BTBD9: variants seen among roughly 807,000 people sequenced by gnomAD.
BTBD9 encodes the protein BTB domain containing 9, also known as BTB/POZ domain-containing protein 9.
In BTBD9, 49 loss-of-function variants were observed where a neutral mutation model predicts 64.3. The ratio of observed to expected loss-of-function variants is 0.76; its 90% CI spans 0.61 to 0.97. The LOEUF (loss-of-function observed/expected upper bound fraction) is 0.97. Ranked by LOEUF, BTBD9 falls within the 50% of genes least tolerant of loss-of-function variation. The pLI is 0.00. For missense variants in BTBD9, 598 were observed against 762.1 expected (o/e 0.78, Z 2.53); for synonymous variants, 260 against 274.7 (o/e 0.95, Z 0.53).
Position 38,612,621 on chromosome 6 carries a change from G to A in BTBD9, c.-27-14500C>T, listed in dbSNP as rs187877835. On this transcript the variant is annotated intron_variant, in intron 1 of 10. Coordinates refer to ENST00000481247, the MANE Select transcript of BTBD9 (RefSeq NM_001099272.2). ...TTATTCCCAAGATGACTTAAGGAAT[G>A]GGGTATTATGGAAATCCATGATGAG... Among the ~76,000 whole-genome samples the A allele has an allele frequency of 2.5e-3, 378 of 152,284 alleles. 2 individuals carry two copies. Among genetic ancestry groups the A allele is most frequent in the African/African-American group, 8.8e-3 (366 of 41,536 alleles).
intron 6 of BTBD9, among the ~76,000 whole-genome samples, chr6:38,496,946 C>T (rs975630923): frequency 1.1e-4 from 16 of 152,160 alleles, no homozygotes; most frequent in African/African-American, 3.9e-4. Flanking sequence ...CAGGGCCTAG[C>T]CACATGCTCT....
chr6:38,339,006 T>C (rs893799505), intron 7 of BTBD9, among the ~76,000 whole-genome samples: 16 of 152,194 alleles, frequency 1.1e-4, no homozygotes, highest in Non-Finnish European at 2.2e-4. Context: ...TATCATACAA[T>C]ACCAGGGAGA....
intron 9 of BTBD9, among the ~76,000 whole-genome samples, chr6:38,196,225 G>A (rs114668773): frequency 1.2e-3 from 181 of 152,268 alleles, no homozygotes; most frequent in Non-Finnish European, 2.1e-3. Context: ...AACAGCTCTA[G>A]GACCTTAAGC....
chr6:38,263,853 G>A (rs760387873), intron 8 of BTBD9, among the ~76,000 whole-genome samples: 13 of 152,280 alleles, frequency 8.5e-5, no homozygotes, highest in South Asian at 8.3e-4. Context: ...CTTGGTTTCT[G>A]TTACTTGGAA....
At chr6:38,582,164 T>A (rs1000930493) in intron 4 of BTBD9, among the ~76,000 whole-genome samples, 1 of 152,188 alleles carries the variant, frequency 6.6e-6, no homozygotes, top group African/African-American at 2.4e-5. Context: ...AGCAAAAGAC[T>A]GTAGCAACCC....
intron 6 of BTBD9, among the ~76,000 whole-genome samples, chr6:38,522,863 A>G (rs1235355981): frequency 6.6e-6 from 1 of 152,056 alleles, no homozygotes; most frequent in Non-Finnish European, 1.5e-5. Flanking sequence ...GGGAGACTGC[A>G]TACTAGGCAG....
chr6:38,343,278 C>T (rs76389926), intron 7 of BTBD9, among the ~76,000 whole-genome samples: 96 of 152,242 alleles, frequency 6.3e-4, no homozygotes, highest in African/African-American at 2.1e-3. Context: ...ACAACAGCAC[C>T]CCTCATTACA....
At chr6:38,431,971 G>T (rs1768463087) in intron 6 of BTBD9, among the ~76,000 whole-genome samples, 1 of 151,882 alleles carries the variant, frequency 6.6e-6, no homozygotes, top group South Asian at 2.1e-4. Flanking sequence ...TGGTATGGTG[G>T]TTTTGGGAGG....
chr6:38,252,555 ATTAT>A (rs1764439154), intron 9 of BTBD9, among the ~76,000 whole-genome samples: 3 of 152,328 alleles, frequency 2.0e-5, no homozygotes, highest in South Asian at 4.1e-4. Flanking sequence ...CTTCTAATGT[ATTAT>A]TTATTTATTA....
intron 9 of BTBD9, among the ~76,000 whole-genome samples, chr6:38,249,633 A>G (rs1178908226): frequency 5.3e-5 from 8 of 152,106 alleles, no homozygotes; most frequent in Admixed American, 5.2e-4. Context: ...TGGGAAACAC[A>G]GCAAGCCCCC....
At position 38,174,362 on chromosome 6, in the gene BTBD9, C is replaced by G. The variant is rs192380858; in HGVS notation, c.*623G>C. On this transcript the variant is annotated 3_prime_UTR_variant, in exon 11 of 11. Coordinates refer to ENST00000481247, the MANE Select transcript of BTBD9 (RefSeq NM_001099272.2). ...CCGTGTCTCATTTAGGAGACATGCA[C>G]GATGGGTCTCTGTCCCCGCAAGCTG... is the stretch of plus-strand genomic sequence containing the variant. 1 of 152,238 alleles carries G rather than the reference C, an allele frequency of 6.6e-6. No homozygotes were observed. The allele number at this position is 152,238 out of a possible 1,614,324, so 9.4% of individuals were successfully genotyped here.
chr6:38,580,220 G>C lies in BTBD9; in HGVS notation c.1032C>G (p.Ser344Arg). Residue 344 changes from serine (S) to arginine (R), a missense_variant and splice_region_variant, in exon 5 of 11, where the codon AGC (serine) becomes AGG (arginine). By Grantham distance (110) the Ser-to-Arg change is moderately radical (BLOSUM62 -1). Coordinates refer to ENST00000481247, the MANE Select transcript of BTBD9 (RefSeq NM_001099272.2). Reference sequence around the variant, plus strand: ...TCTAAGTCATGCTAATCACTTACCGGCTATCTCGGTCCCACAAGAGTATCC... The same window carrying C: ...TCTAAGTCATGCTAATCACTTACCGCCTATCTCGGTCCCACAAGAGTATCC... ...HIRILLWDRD[S>R]RSYSYFIEVS... 3 of 1,612,826 alleles carry C rather than the reference G, an allele frequency of 1.9e-6. No individual in the cohort carries two copies. Among genetic ancestry groups the C allele is most frequent in the Non-Finnish European group, 2.5e-6 (3 of 1,178,896 alleles).
At chr6:38,316,879 T>C (rs931693569) in intron 7 of BTBD9, among the ~76,000 whole-genome samples, 18 of 152,208 alleles carry the variant, frequency 1.2e-4, no homozygotes, top group African/African-American at 3.6e-4. Flanking sequence ...ACAGGTCTAG[T>C]GTTGATGAAA....
At chr6:38,307,294 T>C (rs1028555226) in intron 7 of BTBD9, among the ~76,000 whole-genome samples, 7 of 152,190 alleles carry the variant, frequency 4.6e-5, no homozygotes, top group South Asian at 2.1e-4. Context: ...TTGGAAACTA[T>C]CAAAAAGCTG....
At chr6:38,428,903 GT>G (rs1562173021) in intron 6 of BTBD9, among the ~76,000 whole-genome samples, 1 of 151,156 alleles carries the variant, frequency 6.6e-6, no homozygotes, top group Non-Finnish European at 1.5e-5. Context: ...TAGAGACGGG[GT>G]TTCACCGTGT....
rs9380762 is a variant in BTBD9 at position 38,622,343 on chromosome 6, C to G, written c.-28+17457G>C. ...TTACAAATTGGATAGAAGCCTTCCC[C>G]TGCAAGACAGAGAAGGCTCAGGAAG... On this transcript the variant is annotated intron_variant, in intron 1 of 10. Transcript: ENST00000481247. Among the ~76,000 whole-genome samples the G allele has an allele frequency of 1.8e-3, 272 of 152,264 alleles. 2 individuals carry two copies. The highest frequency in any genetic ancestry group is 6.4e-3 in the African/African-American group (265 of 41,548).
chr6:38,594,100 T>C lies in BTBD9; in HGVS notation c.413A>G (p.Asn138Ser). Residue 138 changes from asparagine to serine, a missense_variant, in exon 3 of 11, where the codon AAC (asparagine) becomes AGC (serine). By Grantham distance (46) the Asn-to-Ser change is conservative. Transcript: ENST00000481247. ...AAAAGTCATGCAGACATTCTGAATG[T>C]TAAGTATGGTGCAGAGATACTCAGA... ...STSEYLCTIL[N>S]IQNVCMTFDV... 6.2e-7 allele frequency: 1 copy of C among 1,614,164 alleles called. No homozygotes were observed. The highest frequency in any genetic ancestry group is 1.1e-5 in the South Asian group (1 of 91,082).
chr6:38,264,175 G>A (rs1250277819), intron 8 of BTBD9, among the ~76,000 whole-genome samples: 1 of 152,168 alleles, frequency 6.6e-6, no homozygotes, highest in African/African-American at 2.4e-5. Context: ...TTGCAAAGAT[G>A]GAACAATCAG....
At chr6:38,449,178 G>C (rs1769409898) in intron 6 of BTBD9, among the ~76,000 whole-genome samples, 1 of 152,130 alleles carries the variant, frequency 6.6e-6, no homozygotes, top group African/African-American at 2.4e-5. Context: ...TTTCAAGGGG[G>C]AAGAGCTAAA....
Sources: gnomAD v4.1 joint callset for allele counts (sites outside exome capture counted in the v4.1 genomes callset) on GRCh38, gnomAD v4.1.1 for gene constraint, MANE v1.5 for transcripts, NCBI Gene and HGNC (gene_info 2026-07-23, HGNC 2026-07-21) for gene names.